Variants in FGD4 observed in about 807,000 individuals in gnomAD.
FGD4 encodes FYVE, RhoGEF and PH domain-containing protein 4.
A neutral mutation model predicts 102.0 loss-of-function variants in FGD4; 42 were observed. That is an observed-to-expected ratio of 0.41 (90% confidence interval 0.32 to 0.53). The LOEUF (loss-of-function observed/expected upper bound fraction) is 0.53, where lower values mean the gene tolerates loss of function less well. Among genes scored for constraint, FGD4 ranks in the 20% least tolerant of loss-of-function variants. The pLI, the probability that FGD4 is intolerant of heterozygous loss-of-function variation, is 0.21. For missense variants in FGD4, 902 were observed against 1,078.2 expected, an observed-to-expected ratio of 0.84 and a Z score of 2.29; for synonymous variants, 380 against 375.7, an observed-to-expected ratio of 1.01 and a Z score of -0.13.
chr12:32,593,861 A>G (rs1254276771), intron 4 of FGD4, among the ~76,000 whole-genome samples: 3 of 152,238 alleles, frequency 2.0e-5, no homozygotes, highest in Non-Finnish European at 2.9e-5. Flanking sequence ...AAGGTCTTGA[A>G]AAGAATAGGC....
At chr12:32,585,849 A>T (rs1946984649) in intron 4 of FGD4, among the ~76,000 whole-genome samples, 1 of 150,732 alleles carries the variant, frequency 6.6e-6, no homozygotes, top group Non-Finnish European at 1.5e-5. Flanking sequence ...AAAAAAAAAA[A>T]AAAAAAAAAA....
chr12:32,541,921 A>G (rs149935552), intron 1 of FGD4, among the ~76,000 whole-genome samples: 188 of 152,116 alleles, frequency 1.2e-3, no homozygotes, highest in Non-Finnish European at 1.8e-3. Flanking sequence ...TTGACCTTTC[A>G]ACCACTAGTT....
intron 1 of FGD4, among the ~76,000 whole-genome samples, chr12:32,463,201 T>C (rs1461352063): frequency 6.6e-6 from 1 of 152,224 alleles, no homozygotes; most frequent in Non-Finnish European, 1.5e-5. Context: ...ATTTTCTTCT[T>C]TATTCAAAAC....
chr12:32,492,637 G>A (rs1278202220), intron 1 of FGD4, among the ~76,000 whole-genome samples: 2 of 152,108 alleles, frequency 1.3e-5, no homozygotes. Context: ...ACAATATGCT[G>A]CTTTATAAAC....
chr12:32,571,056 T>G (rs1460800280), intron 2 of FGD4, among the ~76,000 whole-genome samples: 2 of 152,266 alleles, frequency 1.3e-5, no homozygotes, highest in Admixed American at 1.3e-4. Flanking sequence ...TAAATCATTT[T>G]CTAGTCATTT....
intron 1 of FGD4, among the ~76,000 whole-genome samples, chr12:32,423,095 T>A (rs1211739355): frequency 6.6e-6 from 1 of 152,206 alleles, no homozygotes; most frequent in Non-Finnish European, 1.5e-5. Flanking sequence ...ATATTGTTTA[T>A]CTTTAGCAAT....
At chr12:32,475,645 T>C (rs1437092249) in intron 1 of FGD4, among the ~76,000 whole-genome samples, 1 of 152,202 alleles carries the variant, frequency 6.6e-6, no homozygotes, top group African/African-American at 2.4e-5. Context: ...CCCAGAAATC[T>C]AGGTTTTAAT....
At chr12:32,524,749 T>C (rs1207817111) in intron 1 of FGD4, among the ~76,000 whole-genome samples, 1 of 151,302 alleles carries the variant, frequency 6.6e-6, no homozygotes, top group Non-Finnish European at 1.5e-5. Context: ...TGCTTGAGCA[T>C]GGGAGGTCAA....
At chr12:32,426,003 G>A (rs1185241862) in intron 1 of FGD4, among the ~76,000 whole-genome samples, 1 of 152,128 alleles carries the variant, frequency 6.6e-6, no homozygotes, top group Admixed American at 6.6e-5. Context: ...ATCATGTCAT[G>A]TGCAAACAGA....
At chr12:32,610,940 C>A in intron 9 of FGD4, 106 bp downstream of exon 9, 2 of 1,327,362 alleles carry the variant, frequency 1.5e-6, no homozygotes, top group Non-Finnish European at 2.1e-6. Context: ...ATAGATGAGC[C>A]AAAAAGAATG....
At chr12:32,590,699 T>G (rs1947403933) in intron 4 of FGD4, among the ~76,000 whole-genome samples, 1 of 152,204 alleles carries the variant, frequency 6.6e-6, no homozygotes, top group South Asian at 2.1e-4. Flanking sequence ...ATGAGAGTGA[T>G]AATACTCCTG....
In FGD4 at chr12:32,506,810, G is replaced by C. The variant is rs577081477; in HGVS notation, c.167-57327G>C. Among the ~76,000 whole-genome samples, 7 of 152,286 alleles carry C rather than the reference G, an allele frequency of 4.6e-5. No homozygotes were observed. Among genetic ancestry groups the C allele is most frequent in the African/African-American group, 1.7e-4 (7 of 41,530 alleles). On this transcript the variant is annotated intron_variant, in intron 1 of 16. Coordinates refer to ENST00000534526, the MANE Select transcript of FGD4 (RefSeq NM_001370298.3). This position sits in a 1 kb window ranked among gnomAD's most constrained non-coding sequence, Gnocchi z 4.5. ...AGTGAAATTTACCTAGTAGTGGGAA[G>C]AGACAGAATACAAAAGTAAAGAGAT...
chr12:32,534,561 C>T (rs1592138545), intron 1 of FGD4: 1 of 997,998 alleles, frequency 1.0e-6, no homozygotes, highest in East Asian at 2.8e-5. Context: ...CACTTTATAA[C>T]ACTGCATGCC....
intron 15 of FGD4, among the ~76,000 whole-genome samples, chr12:32,636,415 C>T (rs944665245): frequency 1.3e-5 from 2 of 152,094 alleles, no homozygotes; most frequent in African/African-American, 4.8e-5. Flanking sequence ...TGCCTGTAAT[C>T]CCAGCTACTT....
chr12:32,422,287 G>GTTTTTTTT (rs1565730786), intron 1 of FGD4, among the ~76,000 whole-genome samples: 2 of 91,694 alleles, frequency 2.2e-5, no homozygotes, highest in Non-Finnish European at 4.6e-5. Context: ...ATTGGGAGCT[G>GTTTTTTTT]CTTTTTTTTT....
At chr12:32,537,283 T>C (rs1942371637) in intron 1 of FGD4, among the ~76,000 whole-genome samples, 1 of 152,212 alleles carries the variant, frequency 6.6e-6, no homozygotes, top group Non-Finnish European at 1.5e-5. Flanking sequence ...TTATGTACAA[T>C]CTGGCAACAA....
intron 1 of FGD4, among the ~76,000 whole-genome samples, chr12:32,409,358 C>G (rs189119935): frequency 1.1e-4 from 17 of 149,268 alleles, no homozygotes; most frequent in African/African-American, 3.7e-4. Flanking sequence ...GTGCGATCTC[C>G]GCTCCCTGCA....
intron 1 of FGD4, among the ~76,000 whole-genome samples, chr12:32,540,154 A>G (rs370160792): frequency 6.6e-6 from 1 of 152,230 alleles, no homozygotes; most frequent in Non-Finnish European, 1.5e-5. Flanking sequence ...TGTATTCACT[A>G]TACTCAATCC....
Position 32,582,144 on chromosome 12 carries a change from G to T in FGD4, c.688G>T (p.Val230Leu), listed in dbSNP as rs753654348. 1.2e-6 allele frequency: 2 copies of T among 1,614,228 alleles called. No homozygotes were observed. The highest frequency in any genetic ancestry group is 3.3e-5 in the Admixed American group (2 of 60,022). ...QGAQTCVANG[V>L]MAAQNQMECE... ...TGCACAGACTTGTGTGGCCAACGGTGTAATGGCAGCACAAAACCAGATGGA... is the reference window on the plus strand; with the variant it reads ...TGCACAGACTTGTGTGGCCAACGGTTTAATGGCAGCACAAAACCAGATGGA... The change falls in exon 4 of 17, where the codon GTA (valine) becomes TTA (leucine). Residue 230 changes from valine to leucine, a missense_variant. Physicochemically the swap from Val to Leu is conservative, Grantham distance 32 (BLOSUM62 1). Transcript: ENST00000534526.
Sources: allele counts gnomAD v4.1 joint callset (sites outside exome capture counted in the v4.1 genomes callset), GRCh38; gene constraint gnomAD v4.1.1; non-coding constraint Gnocchi (gnomAD v3.1); transcripts MANE v1.5; gene names NCBI Gene and HGNC (gene_info 2026-07-23, HGNC 2026-07-21).